Variants in SYN3 observed in about 807,000 individuals in gnomAD.
SYN3 encodes the protein synapsin-3.
In SYN3, 35 loss-of-function variants were observed where a neutral mutation model predicts 65.8. The ratio of observed to expected loss-of-function variants is 0.53; its 90% CI spans 0.41 to 0.70. The LOEUF (loss-of-function observed/expected upper bound fraction) is 0.70, where lower values mean the gene tolerates loss of function less well. Among genes scored for constraint, SYN3 ranks in the 30% least tolerant of loss-of-function variants. The probability of loss-of-function intolerance (pLI) is 0.00; values close to 1 mark genes in which losing one functional copy is unlikely to be tolerated. For synonymous variants in SYN3, 270 were observed against 292.9 expected, an observed-to-expected ratio of 0.92 and a Z score of 0.80; for missense variants, 680 against 749.0, an observed-to-expected ratio of 0.91 and a Z score of 1.08.
At chr22:32,794,730 A>G (rs2046391953) in intron 6 of SYN3, among the ~76,000 whole-genome samples, 1 of 152,142 alleles carries the variant, frequency 6.6e-6, no homozygotes, top group Non-Finnish European at 1.5e-5. Context: ...GAGGTGAGTG[A>G]GAGAAGAGGA....
chr22:32,846,880 A>G (rs1332156326), intron 6 of SYN3, among the ~76,000 whole-genome samples: 4 of 152,200 alleles, frequency 2.6e-5, no homozygotes, highest in Non-Finnish European at 5.9e-5. Context: ...TTTTCACTGA[A>G]CTATCCTCAG....
intron 6 of SYN3, among the ~76,000 whole-genome samples, chr22:32,687,026 T>C (rs2060599919): frequency 6.6e-6 from 1 of 152,144 alleles, no homozygotes; most frequent in Admixed American, 6.5e-5. Context: ...TGCAGTGCCA[T>C]CACCTCTCCC....
Position 32,586,963 on chromosome 22 carries a change from C to T in SYN3, c.774+9711G>A, listed in dbSNP as rs1601701261. The stretch of plus-strand genomic sequence containing the variant: ...AATACGCCGGGAGCGGTGGCTCACG[C>T]CTGTAATCCCAGCACTTTGGGAGGC... On this transcript the variant is annotated intron_variant, in intron 7 of 13. Transcript: ENST00000358763. Among the ~76,000 whole-genome samples the T allele has an allele frequency of 2.0e-5, 3 of 152,114 alleles. No individual in the cohort carries two copies. The East Asian group carries it at 5.8e-4, about 29-fold the overall frequency.
intron 6 of SYN3, among the ~76,000 whole-genome samples, chr22:32,724,481 C>T (rs1336492323): frequency 1.3e-5 from 2 of 152,162 alleles, no homozygotes; most frequent in Non-Finnish European, 2.9e-5. Context: ...CTTTCTGTGC[C>T]TCAGTGTCTT....
intron 6 of SYN3, among the ~76,000 whole-genome samples, chr22:32,724,589 C>T (rs954994489): frequency 2.0e-5 from 3 of 152,202 alleles, no homozygotes; most frequent in Admixed American, 6.5e-5. Flanking sequence ...TGAACCTCTT[C>T]GTATAGTGTC....
At chr22:33,028,763 C>CGGG (rs1569413572) in intron 1 of SYN3, among the ~76,000 whole-genome samples, 1 of 151,542 alleles carries the variant, frequency 6.6e-6, no homozygotes, top group Non-Finnish European at 1.5e-5. Context: ...GCACTGTGGC[C>CGGG]AGCACGGTGG....
chr22:32,602,436 GT>G lies in SYN3; in HGVS notation c.712-5701del, dbSNP rs548109502. ...CAATAAAGATAGTTCTATCCCGATA[GT>G]TTTTTGTTTTGTTTTGTTTTGTTTG... On this transcript the variant is annotated intron_variant, in intron 6 of 13. Transcript: ENST00000358763. Among the ~76,000 whole-genome samples, 523 of 147,436 alleles carry G rather than the reference GT, an allele frequency of 3.5e-3. 1 individual carries two copies. The highest frequency in any genetic ancestry group is 0.014 in the African/African-American group (500 of 37,018).
At chr22:32,713,494 G>A (rs887600166) in intron 6 of SYN3, among the ~76,000 whole-genome samples, 3 of 152,096 alleles carry the variant, frequency 2.0e-5, no homozygotes, top group Admixed American at 6.5e-5. Context: ...TCCTTGCCTT[G>A]GTGGCCTGTG....
chr22:32,559,084 A>G (rs1469319435), intron 7 of SYN3, among the ~76,000 whole-genome samples: 1 of 152,212 alleles, frequency 6.6e-6, no homozygotes, highest in African/African-American at 2.4e-5. Context: ...CTTCATAACA[A>G]TCCTATGAGG....
intron 4 of SYN3, among the ~76,000 whole-genome samples, chr22:32,908,176 C>A (rs2049954088): frequency 6.6e-6 from 1 of 151,944 alleles, no homozygotes; most frequent in South Asian, 2.1e-4. Flanking sequence ...ACCTCCGCCT[C>A]CCAGGTTCAA....
At chr22:32,890,545 TAA>T (rs1281791125) in intron 4 of SYN3, among the ~76,000 whole-genome samples, 2 of 152,030 alleles carry the variant, frequency 1.3e-5, no homozygotes, top group Admixed American at 6.5e-5. Flanking sequence ...CACGCCTGGC[TAA>T]GTTTTTGTAT....
At chr22:33,003,179 G>A (rs1433715435) in intron 2 of SYN3, among the ~76,000 whole-genome samples, 2 of 152,198 alleles carry the variant, frequency 1.3e-5, no homozygotes, top group Non-Finnish European at 2.9e-5. Flanking sequence ...CTTTATAGCA[G>A]TGTGAGAATG....
At chr22:32,807,177 C>T (rs1351852448) in intron 6 of SYN3, among the ~76,000 whole-genome samples, 1 of 149,818 alleles carries the variant, frequency 6.7e-6, no homozygotes, top group African/African-American at 2.5e-5. Context: ...CTCATCCCCA[C>T]CTTTAAGGGA....
intron 9 of SYN3, among the ~76,000 whole-genome samples, chr22:32,535,100 T>C (rs995119316): frequency 6.6e-6 from 1 of 152,194 alleles, no homozygotes; most frequent in African/African-American, 2.4e-5. Context: ...CCCATCTTAC[T>C]GATGGAGGAA....
chr22:32,742,879 T>C (rs1025040747), intron 6 of SYN3, among the ~76,000 whole-genome samples: 4 of 152,196 alleles, frequency 2.6e-5, no homozygotes, highest in South Asian at 4.1e-4. Flanking sequence ...CGAATAGCTA[T>C]AAGGTCCCTG....
chr22:32,869,330 T>TTCTCTCTCTCTCCC (rs561782145), intron 4 of SYN3, among the ~76,000 whole-genome samples: 1 of 120,932 alleles, frequency 8.3e-6, no homozygotes, highest in Admixed American at 8.9e-5. Flanking sequence ...ACTATATATA[T>TTCTCTCTCTCTCCC]TCTCTCTCTC....
chr22:32,622,604 C>T (rs1367945609), intron 6 of SYN3, among the ~76,000 whole-genome samples: 3 of 151,372 alleles, frequency 2.0e-5, no homozygotes, highest in South Asian at 4.2e-4. Flanking sequence ...AGCCACACTT[C>T]GGTTAACATT....
At chr22:32,987,969 G>A (rs1379968098) in intron 2 of SYN3, among the ~76,000 whole-genome samples, 6 of 152,176 alleles carry the variant, frequency 3.9e-5, no homozygotes, top group Non-Finnish European at 8.8e-5. Flanking sequence ...GATAAGATGT[G>A]GGGTGCAGGG....
In SYN3 at chr22:32,518,155, A is replaced by G. The variant is rs769626382; in HGVS notation, c.1498T>C (p.Ser500Pro). ...ASSGSSPNQA[S>P]KPGATLASQP... ...GAGGCGAGGGTGGCACCTGGCTTGG[A>G]GGCCTGGTTTGGGGAGCTGCCACTG... Residue 500 changes from serine (S) to proline (P), a missense_variant, in exon 13 of 14, where the codon TCC becomes CCC. By Grantham distance (74) the Ser-to-Pro change is moderately conservative. Transcript: ENST00000358763. The G allele has an allele frequency of 5.6e-6, 9 of 1,612,196 alleles. No individual in the cohort carries two copies. The African/African-American group carries it at 1.2e-4, about 22-fold the overall frequency.
Sources: allele counts gnomAD v4.1 joint callset (sites outside exome capture counted in the v4.1 genomes callset), GRCh38; gene constraint gnomAD v4.1.1; transcripts MANE v1.5; gene names NCBI Gene and HGNC (gene_info 2026-07-23, HGNC 2026-07-21).